CHRNA9: variants seen among roughly 807,000 people sequenced by gnomAD.
The protein encoded by CHRNA9 is cholinergic receptor nicotinic alpha 9 subunit, also known as neuronal acetylcholine receptor subunit alpha-9.
Under a neutral mutation model 36.8 loss-of-function variants are expected in CHRNA9, and 24 were observed. That is an observed-to-expected ratio of 0.65 (90% confidence interval 0.47 to 0.92). The LOEUF is 0.92. Among genes scored for constraint, CHRNA9 ranks in the 40% least tolerant of loss-of-function variants. The pLI is 0.00. For synonymous variants in CHRNA9, 231 were observed against 231.8 expected (o/e 1.00, Z 0.03); for missense variants, 610 against 601.2 (o/e 1.01, Z -0.15).
At position 40,349,108 on chromosome 4, in the gene CHRNA9, A is replaced by G; in HGVS notation, c.592A>G (p.Ile198Val). The change falls in exon 4 of 5, where the codon ATT (isoleucine) becomes GTT (valine). Residue 198 changes from isoleucine (I) to valine (V), a missense_variant. Transcript: ENST00000310169. The part of the protein sequence containing the change: ...ALDSGDLSDF[I>V]EDVEWEVHGM... ...GGACAGCGGAGATCTCTCTGACTTC[A>G]TTGAAGATGTGGAATGGGAGGTCCA... The G allele has an allele frequency of 6.2e-7, 1 of 1,614,158 alleles. No individual in the cohort carries two copies.
chr4:40,346,042 C>T (rs1560317193), intron 3 of CHRNA9, among the ~76,000 whole-genome samples: 1 of 152,116 alleles, frequency 6.6e-6, no homozygotes, highest in African/African-American at 2.4e-5. Flanking sequence ...ACAACAACAA[C>T]AACAACAACA....
chr4:40,343,775 G>A (rs1199772280), intron 3 of CHRNA9, among the ~76,000 whole-genome samples: 2 of 152,198 alleles, frequency 1.3e-5, no homozygotes. Flanking sequence ...GAAACAGAGG[G>A]AAGGGGAAGA....
At chr4:40,342,879 C>T (rs948822529) in intron 3 of CHRNA9, among the ~76,000 whole-genome samples, 11 of 151,866 alleles carry the variant, frequency 7.2e-5, no homozygotes, top group African/African-American at 2.2e-4. Flanking sequence ...CTGAAGGAGG[C>T]ATGGGAGGAG....
chr4:40,335,501 T>C lies in CHRNA9; in HGVS notation c.34T>C (p.Trp12Arg), dbSNP rs762373553. The C allele has an allele frequency of 3.7e-6, 6 of 1,613,674 alleles. No homozygotes were observed. The South Asian group carries it at 5.5e-5, about 15-fold the overall frequency. The change falls in exon 1 of 5, where the codon TGG becomes CGG. Residue 12 changes from tryptophan (W) to arginine (R), a missense_variant. Coordinates refer to ENST00000310169, the MANE Select transcript of CHRNA9 (RefSeq NM_017581.4). ...GTCCCATTCCTGCATCTCCTTTTGC[T>C]GGATCTACTTTGCTGCTTCCAGACT... ...NWSHSCISFC[W>R]IYFAASRLRA...
At chr4:40,339,614 C>T (rs1002251376) in intron 3 of CHRNA9, among the ~76,000 whole-genome samples, 4 of 140,730 alleles carry the variant, frequency 2.8e-5, no homozygotes, top group South Asian at 4.6e-4. Flanking sequence ...TGCAGTGAGC[C>T]GAGATCGCGC....
rs555950940 is a variant in CHRNA9 at position 40,339,509 on chromosome 4, C to T, written c.365+2145C>T. Among the ~76,000 whole-genome samples the T allele has an allele frequency of 8.0e-5, 12 of 150,666 alleles. No homozygotes were observed. In the East Asian group the frequency reaches 9.9e-4, roughly 12 times the overall value. On this transcript the variant is annotated intron_variant, in intron 3 of 4. Coordinates refer to ENST00000310169, the MANE Select transcript of CHRNA9 (RefSeq NM_017581.4). ...CATCCTGGCTAACATGGTGAAACCC[C>T]GTCTCTACTAAAAATACAAAAAAAT...
chr4:40,354,292 G>C lies in CHRNA9; in HGVS notation c.1212G>C (p.Leu404=). 1 of 1,614,148 alleles carries C rather than the reference G, an allele frequency of 6.2e-7. No individual in the cohort carries two copies. The highest frequency in any genetic ancestry group is 8.5e-7 in the Non-Finnish European group (1 of 1,180,018). ...TGAACAAACGCTTAAAGAACGACCT[G>C]GGCTGCCAGGGTAAGAACCCTCAGG... The part of the protein sequence containing the change: ...KDMNKRLKND[L]GCQGKNPQEA... Residue 404 remains leucine, a synonymous_variant, in exon 5 of 5, where the codon CTG becomes CTC. Transcript: ENST00000310169.
rs753133730 is a variant in CHRNA9 at position 40,354,385 on chromosome 4, C to A, written c.1305C>A (p.Leu435=). 2 of 1,614,146 alleles carry A rather than the reference C, an allele frequency of 1.2e-6. No individual in the cohort carries two copies. Residue 435 remains leucine (L), a synonymous_variant, in exon 5 of 5, where the codon CTC becomes CTA. Coordinates refer to ENST00000310169, the MANE Select transcript of CHRNA9 (RefSeq NM_017581.4). ...TRNIEYIAKC[L]KDHKATNSKG... is the part of the protein sequence containing the mutation. ...ATATTGAGTACATCGCCAAGTGCCT[C>A]AAAGACCACAAGGCCACCAATTCCA...
At chr4:40,350,864 A>C (rs967186806) in intron 4 of CHRNA9, among the ~76,000 whole-genome samples, 1 of 152,134 alleles carries the variant, frequency 6.6e-6, no homozygotes, top group Admixed American at 6.5e-5. Flanking sequence ...TTGAGGAAAG[A>C]TCATGGGGCG....
chr4:40,340,829 T>C (rs1264824562), intron 3 of CHRNA9, among the ~76,000 whole-genome samples: 1 of 151,872 alleles, frequency 6.6e-6, no homozygotes, highest in Non-Finnish European at 1.5e-5. Context: ...GATGCTTAGT[T>C]TGGAAGAGAG....
chr4:40,354,447 A>G lies in CHRNA9; in HGVS notation c.1367A>G (p.Asp456Gly). 6.2e-7 allele frequency: 1 copy of G among 1,614,094 alleles called. No individual in the cohort carries two copies. The highest frequency in any genetic ancestry group is 1.1e-5 in the South Asian group (1 of 91,076). Reference sequence around the variant, plus strand: ...TGGAAGAAGGTGGCGAAAGTCATAGACCGATTCTTCATGTGGATTTTTTTC... The same window carrying G: ...TGGAAGAAGGTGGCGAAAGTCATAGGCCGATTCTTCATGTGGATTTTTTTC... The part of the protein sequence containing the change: ...SEWKKVAKVI[D>G]RFFMWIFFIM... Residue 456 changes from aspartate (D) to glycine (G), a missense_variant, in exon 5 of 5, where the codon GAC becomes GGC. Transcript: ENST00000310169.
chr4:40,340,284 C>T (rs1712462061), intron 3 of CHRNA9, among the ~76,000 whole-genome samples: 1 of 152,174 alleles, frequency 6.6e-6, no homozygotes, highest in African/African-American at 2.4e-5. Flanking sequence ...CTGGTTGACT[C>T]TTTAGTCATC....
intron 4 of CHRNA9, among the ~76,000 whole-genome samples, chr4:40,352,488 G>A (rs1164494651): frequency 2.0e-5 from 3 of 152,152 alleles, no homozygotes; most frequent in Admixed American, 2.0e-4. Flanking sequence ...GCCTCCCAAA[G>A]TGCTGGGATT....
chr4:40,348,788 A>G lies in CHRNA9; in HGVS notation c.366-94A>G, dbSNP rs980602962. On this transcript the variant is annotated intron_variant, in intron 3 of 4. Transcript: ENST00000310169. ...GGCAAAATGGTGGTCCATTGCCAAAACACTGAAGTGATGGGGACAGTGAGC... is the reference window on the plus strand; with the variant it reads ...GGCAAAATGGTGGTCCATTGCCAAAGCACTGAAGTGATGGGGACAGTGAGC... 4.7e-6 allele frequency: 6 copies of G among 1,277,046 alleles called. No homozygotes were observed. In the African/African-American group the frequency reaches 8.9e-5, roughly 19 times the overall value. The allele number at this position is 1,277,046 out of a possible 1,614,324, so 79.1% of individuals were successfully genotyped here. A position where few individuals can be genotyped will look rare whatever the true frequency, so the allele number is the denominator to read the frequency against.
intron 3 of CHRNA9, chr4:40,348,082 C>T (rs1712683650): frequency 1.3e-5 from 2 of 152,188 alleles, no homozygotes; most frequent in Admixed American, 6.5e-5. Flanking sequence ...TTTTTTCAGC[C>T]ATCACTAGGG....
Position 40,354,192 on chromosome 4 carries a change from C to T in CHRNA9, c.1112C>T (p.Thr371Met), listed in dbSNP as rs147652786. The change falls in exon 5 of 5, where the codon ACG becomes ATG. Residue 371 changes from threonine (T) to methionine (M), a missense_variant. Physicochemically the swap from Thr to Met is moderately conservative, Grantham distance 81. Coordinates refer to ENST00000310169, the MANE Select transcript of CHRNA9 (RefSeq NM_017581.4). ...CACAGTAGAGAGCGGGACCACCTCA[C>T]GAAAGTTTATAGCAAACTCCCAGAG... The part of the protein sequence containing the change: ...PHHSRERDHL[T>M]KVYSKLPESN... 2.9e-4 allele frequency: 462 copies of T among 1,614,162 alleles called. No individual in the cohort carries two copies. The African/African-American group carries it at 3.0e-3, about 10-fold the overall frequency.
At chr4:40,352,800 T>A (rs1712839362) in intron 4 of CHRNA9, among the ~76,000 whole-genome samples, 1 of 152,210 alleles carries the variant, frequency 6.6e-6, no homozygotes, top group Non-Finnish European at 1.5e-5. Flanking sequence ...TGAAGACTAA[T>A]AGTGATACAG....
chr4:40,349,029 G>A lies in CHRNA9; in HGVS notation c.513G>A (p.Leu171=). Residue 171 remains leucine, a synonymous_variant, in exon 4 of 5, where the codon CTG becomes CTA. Transcript: ENST00000310169. ...YFPFDNQQCN[L]TFGSWTYNGN... ...CTTTTGACAACCAGCAGTGCAACCT[G>A]ACTTTTGGTTCCTGGACCTACAATG... The A allele has an allele frequency of 6.2e-7, 1 of 1,614,186 alleles. No individual in the cohort carries two copies. The highest frequency in any genetic ancestry group is 1.1e-5 in the South Asian group (1 of 91,086).
intron 3 of CHRNA9, among the ~76,000 whole-genome samples, chr4:40,339,362 G>T (rs1397437322): frequency 6.7e-6 from 1 of 149,956 alleles, no homozygotes; most frequent in Non-Finnish European, 1.5e-5. Context: ...ACAGAATTCT[G>T]TAAGTTCTTT....
Sources: gnomAD v4.1 joint callset for allele counts (sites outside exome capture counted in the v4.1 genomes callset) on GRCh38, gnomAD v4.1.1 for gene constraint, MANE v1.5 for transcripts, NCBI Gene and HGNC (gene_info 2026-07-23, HGNC 2026-07-21) for gene names.